NCOA6: variants seen among roughly 807,000 people sequenced by gnomAD.
The protein encoded by NCOA6 is nuclear receptor coactivator 6, also known as NRC RAP250.
In NCOA6, 49 loss-of-function variants were observed where a neutral mutation model predicts 171.4. The ratio of observed to expected loss-of-function variants is 0.29; its 90% CI spans 0.23 to 0.36. The LOEUF is 0.36. NCOA6 is among the 10% of genes least tolerant of loss of function. The probability of loss-of-function intolerance (pLI) is 1.00; values close to 1 mark genes in which losing one functional copy is unlikely to be tolerated. For synonymous variants in NCOA6, 910 were observed against 927.5 expected (o/e 0.98, Z 0.34); for missense variants, 2,248 against 2,554.5 (o/e 0.88, Z 2.59).
At chr20:34,763,736 A>G (rs558880686) in intron 5 of NCOA6, among the ~76,000 whole-genome samples, 9 of 152,338 alleles carry the variant, frequency 5.9e-5, no homozygotes, top group African/African-American at 1.9e-4. Context: ...GGTAGAGAAG[A>G]CAATTCCACA....
intron 1 of NCOA6, among the ~76,000 whole-genome samples, chr20:34,793,464 A>C (rs1254587615): frequency 2.0e-5 from 3 of 152,186 alleles, no homozygotes; most frequent in African/African-American, 7.2e-5. Context: ...GTAGATATAA[A>C]ACTTATGCAT....
At chr20:34,763,040 A>G (rs145395816) in intron 5 of NCOA6, among the ~76,000 whole-genome samples, 1 of 152,318 alleles carries the variant, frequency 6.6e-6, no homozygotes, top group East Asian at 1.9e-4. Flanking sequence ...TGCTTTTAAC[A>G]TTCTGTTTTT....
rs780862910 is a variant in NCOA6 at position 34,750,255 on chromosome 20, G to C, written c.1940C>G (p.Pro647Arg). ...AAGCTGGGCCCTTGAAAGGATCATA[G>C]GGTTCTGAGGGTTCAAGGTTCCTTG... ...QQQGTLNPQNPMILSRAQLMP... is the reference protein window; with the variant it reads ...QQQGTLNPQNRMILSRAQLMP... Residue 647 changes from proline to arginine, a missense_variant, in exon 9 of 15, where the codon CCT (proline) becomes CGT (arginine). Physicochemically the swap from Pro to Arg is moderately radical, Grantham distance 103. Around this residue, in one of 7 missense-constraint regions of NCOA6, gnomAD observed 987 missense variants for 1,104.7 expected, o/e 0.89. Coordinates refer to ENST00000359003, the MANE Select transcript of NCOA6 (RefSeq NM_014071.5). 1.9e-6 allele frequency: 3 copies of C among 1,610,642 alleles called. No individual in the cohort carries two copies. In the Admixed American group the frequency reaches 5.0e-5, roughly 27 times the overall value.
intron 2 of NCOA6, among the ~76,000 whole-genome samples, chr20:34,788,469 G>GT (rs1289656762): frequency 6.6e-6 from 1 of 152,134 alleles, no homozygotes; most frequent in Non-Finnish European, 1.5e-5. Flanking sequence ...GAGAGGGGTG[G>GT]TAAGTCTTGG....
intron 2 of NCOA6, among the ~76,000 whole-genome samples, chr20:34,783,123 A>G (rs1008804794): frequency 6.6e-6 from 1 of 152,080 alleles, no homozygotes; most frequent in African/African-American, 2.4e-5. Flanking sequence ...CACTACTAAA[A>G]CACAAAAATA....
chr20:34,737,742 C>A (rs1175412732), intron 11 of NCOA6, among the ~76,000 whole-genome samples: 1 of 152,214 alleles, frequency 6.6e-6, no homozygotes, highest in Non-Finnish European at 1.5e-5. Context: ...ATGTTTTACT[C>A]TCTTGTGGAA....
intron 1 of NCOA6, among the ~76,000 whole-genome samples, chr20:34,793,156 G>A (rs904472021): frequency 1.2e-4 from 19 of 152,058 alleles, no homozygotes; most frequent in Non-Finnish European, 2.8e-4. Context: ...ACTTATACAA[G>A]CATCACTTAA....
chr20:34,811,048 G>C (rs910707467), intron 1 of NCOA6, among the ~76,000 whole-genome samples: 1 of 151,078 alleles, frequency 6.6e-6, no homozygotes, highest in Non-Finnish European at 1.5e-5. Flanking sequence ...GTCCCATAAA[G>C]TTGTTTTATG....
chr20:34,759,049 G>T, intron 5 of NCOA6, 116 bp from the exon 6 acceptor site: 2 of 1,098,190 alleles, frequency 1.8e-6, no homozygotes, highest in South Asian at 3.0e-5. Context: ...TTTTGACAGG[G>T]TCTCGCTCTG....
intron 1 of NCOA6, among the ~76,000 whole-genome samples, chr20:34,810,579 G>T (rs186030942): frequency 6.7e-6 from 1 of 149,518 alleles, no homozygotes; most frequent in Non-Finnish European, 1.5e-5. Context: ...TTTTTGAGAC[G>T]GAGTCTCGCT....
intron 1 of NCOA6, among the ~76,000 whole-genome samples, chr20:34,801,543 G>A (rs1241485772): frequency 3.3e-5 from 5 of 152,110 alleles, no homozygotes; most frequent in South Asian, 2.1e-4. Context: ...TCAAAGGATC[G>A]TTAGAGGCTA....
At chr20:34,809,374 C>G (rs1366316858) in intron 1 of NCOA6, 6 of 397,766 alleles carry the variant, frequency 1.5e-5, no homozygotes, top group Non-Finnish European at 2.7e-5. Flanking sequence ...AAAGTAAAGT[C>G]TATTTATAAT....
chr20:34,765,568 G>C (rs906479574), intron 5 of NCOA6, among the ~76,000 whole-genome samples: 8 of 152,058 alleles, frequency 5.3e-5, no homozygotes, highest in African/African-American at 1.9e-4. Context: ...GTACTAGATG[G>C]GAATCTGCAC....
intron 3 of NCOA6, among the ~76,000 whole-genome samples, chr20:34,777,135 A>C (rs1967136152): frequency 6.6e-6 from 1 of 151,620 alleles, no homozygotes; most frequent in Non-Finnish European, 1.5e-5. Context: ...AAAAAAAAAA[A>C]AAAGGTAAAG....
rs373266097 is a variant in NCOA6 at position 34,740,484 on chromosome 20, G to A, written c.5772C>T (p.Ser1924=). Residue 1924 remains serine, a synonymous_variant, in exon 11 of 15, where the codon TCC becomes TCT. Transcript: ENST00000359003. ...TGGTCGGTACGGCGGAGATGAGCTC[G>A]GAGGGTACCAGAGTGGTTACTATCG... is the stretch of plus-strand genomic sequence containing the variant. ...VRSIVTTLVP[S]ELISAVPTTK... The A allele has an allele frequency of 1.5e-5, 24 of 1,614,188 alleles. No homozygotes were observed. In the East Asian group the frequency reaches 2.5e-4, roughly 16 times the overall value.
chr20:34,756,099 T>C (rs565907769), intron 7 of NCOA6, among the ~76,000 whole-genome samples: 1 of 152,190 alleles, frequency 6.6e-6, no homozygotes, highest in African/African-American at 2.4e-5. Flanking sequence ...CAAATATGCA[T>C]TTGTCCTTTC....
intron 1 of NCOA6, among the ~76,000 whole-genome samples, chr20:34,816,766 C>G (rs1344657457): frequency 1.3e-5 from 2 of 151,850 alleles, no homozygotes; most frequent in African/African-American, 4.8e-5. Flanking sequence ...TGCACCACTG[C>G]ACTCCAGCCT....
chr20:34,742,201 G>T lies in NCOA6; in HGVS notation c.4055C>A (p.Pro1352His). 6.2e-7 allele frequency: 1 copy of T among 1,614,184 alleles called. No individual in the cohort carries two copies. ...PSPGRQNSKAPKLTLASQTNA... is the reference protein window; with the variant it reads ...PSPGRQNSKAHKLTLASQTNA... ...TGTCTGAGAGGCCAGAGTAAGTTTA[G>T]GGGCTTTTGAATTTTGCCTCCCAGG... The change falls in exon 11 of 15, where the codon CCT becomes CAT. Residue 1352 changes from proline to histidine, a missense_variant. By Grantham distance (77) the Pro-to-His change is moderately conservative. Transcript: ENST00000359003.
chr20:34,816,415 T>G (rs953177669), intron 1 of NCOA6, among the ~76,000 whole-genome samples: 2 of 151,902 alleles, frequency 1.3e-5, no homozygotes, highest in African/African-American at 4.8e-5. Context: ...TAAGGGAAAT[T>G]TGGACACAGA....
Sources: gnomAD v4.1 joint callset for allele counts (sites outside exome capture counted in the v4.1 genomes callset) on GRCh38, gnomAD v4.1.1 for gene constraint, gnomAD v4.1.1 regional missense constraint, MANE v1.5 for transcripts, NCBI Gene and HGNC (gene_info 2026-07-23, HGNC 2026-07-21) for gene names.